The following SND1 variants were observed in gnomAD, a reference collection of about 807,000 sequenced individuals.
The protein encoded by SND1 is staphylococcal nuclease domain-containing protein 1.
SND1 carries 38 observed loss-of-function variants against 121.7 expected under a neutral mutation model. The observed-to-expected ratio is 0.31, with a 90% CI of 0.24 to 0.41. SND1 has a LOEUF of 0.41. Among genes scored for constraint, SND1 ranks in the 10% least tolerant of loss-of-function variants. The pLI, the probability that SND1 is intolerant of heterozygous loss-of-function variation, is 1.00. For synonymous variants in SND1, 401 were observed against 447.4 expected (o/e 0.90, Z 1.31); for missense variants, 868 against 1,184.6 (o/e 0.73, Z 3.92).
rs1409842516 is a variant in SND1, at chr7:128,081,354, A to G, written c.1969-6A>G. The G allele has an allele frequency of 6.2e-7, 1 of 1,614,046 alleles. No individual in the cohort carries two copies. Among genetic ancestry groups the G allele is most frequent in the Non-Finnish European group, 8.5e-7 (1 of 1,179,970 alleles). The stretch of plus-strand genomic sequence containing the variant: ...CTCTTCTCACCTCTGCCGACTGAAC[A>G]TGCAGGTCTGGGCCCACTATGAGGA... On this transcript the variant is annotated splice_polypyrimidine_tract_variant and splice_region_variant and intron_variant, in intron 17 of 23. Transcript: ENST00000354725.
intron 15 of SND1, among the ~76,000 whole-genome samples, chr7:127,971,209 G>T (rs1027252384): frequency 1.3e-5 from 2 of 152,104 alleles, no homozygotes; most frequent in African/African-American, 4.8e-5. Context: ...TGTTGGGGTG[G>T]TCACCAACCA....
At chr7:128,071,101 T>G (rs1793402486) in intron 16 of SND1, among the ~76,000 whole-genome samples, 1 of 152,224 alleles carries the variant, frequency 6.6e-6, no homozygotes, top group South Asian at 2.1e-4. Context: ...AGCATAGAGC[T>G]GAAGTGCTGT....
intron 7 of SND1, 138 bp downstream of exon 7, chr7:127,703,461 C>A: frequency 9.6e-7 from 1 of 1,037,314 alleles, no homozygotes; most frequent in Non-Finnish European, 1.4e-6. Context: ...CGCCTGTAAT[C>A]CCACCACTTT....
At chr7:127,665,288 G>A (rs912900996) in intron 1 of SND1, among the ~76,000 whole-genome samples, 2 of 151,442 alleles carry the variant, frequency 1.3e-5, no homozygotes, top group African/African-American at 2.4e-5. Context: ...CCGGGTTCTC[G>A]CCATTCTCCT....
intron 16 of SND1, among the ~76,000 whole-genome samples, chr7:128,040,468 A>G (rs1792834995): frequency 7.6e-6 from 1 of 131,066 alleles, no homozygotes; most frequent in East Asian, 2.1e-4. Flanking sequence ...AAAAAAAAAG[A>G]CATGGTTTGA....
intron 15 of SND1, among the ~76,000 whole-genome samples, chr7:127,988,599 A>T (rs1454108562): frequency 1.3e-5 from 2 of 152,218 alleles, no homozygotes; most frequent in East Asian, 3.8e-4. Context: ...GGTCTCCAGG[A>T]TTCAGGGGAG....
chr7:127,866,387 G>T (rs1188545511), intron 12 of SND1, among the ~76,000 whole-genome samples: 1 of 152,128 alleles, frequency 6.6e-6, no homozygotes, highest in Non-Finnish European at 1.5e-5. Flanking sequence ...TAAAAGCTAG[G>T]GGCTGCCCAT....
chr7:128,060,632 C>T (rs558392042), intron 16 of SND1, among the ~76,000 whole-genome samples: 1 of 152,282 alleles, frequency 6.6e-6, no homozygotes, highest in African/African-American at 2.4e-5. Context: ...TTGAGAGCAA[C>T]TCCTGAGAGC....
chr7:127,906,689 T>A (rs1243608291), intron 14 of SND1, among the ~76,000 whole-genome samples: 1 of 152,126 alleles, frequency 6.6e-6, no homozygotes, highest in African/African-American at 2.4e-5. Context: ...TAGTTCTGAT[T>A]TGGCACCAAC....
intron 13 of SND1, among the ~76,000 whole-genome samples, chr7:127,891,616 C>T (rs1171538529): frequency 6.6e-6 from 1 of 151,998 alleles, no homozygotes; most frequent in African/African-American, 2.4e-5. Context: ...ATGCCCCTGT[C>T]AATGCATTTT....
chr7:127,937,103 C>T (rs1402065304), intron 15 of SND1, among the ~76,000 whole-genome samples: 1 of 152,116 alleles, frequency 6.6e-6, no homozygotes, highest in Non-Finnish European at 1.5e-5. Flanking sequence ...ATCTAAGGAG[C>T]CTTATATCAG....
intron 1 of SND1, among the ~76,000 whole-genome samples, chr7:127,657,398 A>G (rs920456508): frequency 6.6e-6 from 1 of 152,236 alleles, no homozygotes; most frequent in African/African-American, 2.4e-5. Flanking sequence ...CTGAGATCTG[A>G]TGGACATCAA....
intron 10 of SND1, among the ~76,000 whole-genome samples, chr7:127,798,500 T>G (rs888822682): frequency 3.3e-5 from 5 of 152,244 alleles, no homozygotes; most frequent in Admixed American, 6.5e-5. Flanking sequence ...TCACTGTTAC[T>G]ACAATGTTTC....
intron 14 of SND1, among the ~76,000 whole-genome samples, chr7:127,922,209 G>GTTT (rs1563059059): frequency 7.8e-4 from 13 of 16,728 alleles, no homozygotes; most frequent in Admixed American, 2.4e-3. Context: ...TTTTTGTTTT[G>GTTT]TGAGGCAAGA....
At chr7:127,869,656 T>C (rs1799541718) in intron 12 of SND1, among the ~76,000 whole-genome samples, 1 of 152,196 alleles carries the variant, frequency 6.6e-6, no homozygotes. Flanking sequence ...AGATCTCATA[T>C]AATTATAGTA....
At chr7:128,011,971 T>C (rs922687595) in intron 16 of SND1, among the ~76,000 whole-genome samples, 2 of 152,154 alleles carry the variant, frequency 1.3e-5, no homozygotes, top group Non-Finnish European at 2.9e-5. Flanking sequence ...TATTTTGAAT[T>C]TTTCACATCA....
intron 11 of SND1, among the ~76,000 whole-genome samples, chr7:127,817,721 CTTTTTTTTTTTTT>C (rs72233818): frequency 1.9e-4 from 20 of 104,096 alleles, no homozygotes; most frequent in South Asian, 1.6e-3. Context: ...TTCCTTCATA[CTTTTTTTTTTTTT>C]TTTTTTTTTT....
At chr7:127,967,747 A>G (rs534590701) in intron 15 of SND1, among the ~76,000 whole-genome samples, 1 of 152,244 alleles carries the variant, frequency 6.6e-6, no homozygotes, top group Non-Finnish European at 1.5e-5. Flanking sequence ...ATTTGCCAGG[A>G]AACTATAGTT....
chr7:127,804,737 A>G (rs1798200584), intron 10 of SND1, among the ~76,000 whole-genome samples: 1 of 135,714 alleles, frequency 7.4e-6, no homozygotes, highest in Non-Finnish European at 1.7e-5. Flanking sequence ...AAGACCCCAT[A>G]TCTTTAAAAA....
Sources: gnomAD v4.1 joint callset for allele counts (sites outside exome capture counted in the v4.1 genomes callset) on GRCh38, gnomAD v4.1.1 for gene constraint, MANE v1.5 for transcripts, NCBI Gene and HGNC (gene_info 2026-07-23, HGNC 2026-07-21) for gene names.